PRKD1: variants seen among roughly 807,000 people sequenced by gnomAD.
The protein encoded by PRKD1 is protein kinase D1.
A neutral mutation model predicts 95.9 loss-of-function variants in PRKD1; 63 were observed. The ratio of observed to expected loss-of-function variants is 0.66; its 90% CI spans 0.54 to 0.81. The LOEUF (loss-of-function observed/expected upper bound fraction) is 0.81, where lower values mean the gene tolerates loss of function less well. Among genes scored for constraint, PRKD1 ranks in the 30% least tolerant of loss-of-function variants. The pLI is 0.00. For missense variants in PRKD1, 1,048 were observed against 1,165.3 expected (o/e 0.90, Z 1.47); for synonymous variants, 425 against 423.1 (o/e 1.00, Z -0.05).
intron 1 of PRKD1, among the ~76,000 whole-genome samples, chr14:29,778,130 G>C (rs938832005): frequency 1.3e-5 from 2 of 152,132 alleles, no homozygotes; most frequent in African/African-American, 4.8e-5. Context: ...GACTCTCTGG[G>C]ACACATTTAA....
At chr14:29,691,705 A>G (rs923135054) in intron 2 of PRKD1, among the ~76,000 whole-genome samples, 1 of 152,178 alleles carries the variant, frequency 6.6e-6, no homozygotes, top group Admixed American at 6.5e-5. Flanking sequence ...CAATAACAGC[A>G]TCTCCTACTA....
chr14:29,797,164 A>T (rs1889853515), intron 1 of PRKD1, among the ~76,000 whole-genome samples: 1 of 152,186 alleles, frequency 6.6e-6, no homozygotes, highest in Non-Finnish European at 1.5e-5. Flanking sequence ...ATCAAAAGCA[A>T]ACCTTTTCTA....
intron 2 of PRKD1, among the ~76,000 whole-genome samples, chr14:29,676,970 C>A (rs894639378): frequency 6.6e-6 from 1 of 152,214 alleles, no homozygotes; most frequent in African/African-American, 2.4e-5. Flanking sequence ...CGGCTACATT[C>A]AAGTTCTCAA....
intron 4 of PRKD1, among the ~76,000 whole-genome samples, chr14:29,644,093 A>G (rs1276806067): frequency 6.6e-6 from 1 of 152,222 alleles, no homozygotes; most frequent in East Asian, 1.9e-4. Context: ...TCAAGAAGTA[A>G]ATGCATAGGA....
At chr14:29,910,559 A>G (rs769842776) in intron 1 of PRKD1, among the ~76,000 whole-genome samples, 1 of 152,158 alleles carries the variant, frequency 6.6e-6, no homozygotes, top group Non-Finnish European at 1.5e-5. Context: ...GCCTTAAGAG[A>G]AAGAAAGATT....
Position 29,752,478 on chromosome 14 carries a change from G to C in PRKD1, c.265-26804C>G, listed in dbSNP as rs1887522830. Among the ~76,000 whole-genome samples the C allele has an allele frequency of 1.3e-5, 2 of 152,036 alleles. 1 individual carries two copies. Among genetic ancestry groups the C allele is most frequent in the South Asian group, 4.1e-4 (2 of 4,820 alleles). On this transcript the variant is annotated intron_variant, in intron 1 of 17. Coordinates refer to ENST00000331968, the MANE Select transcript of PRKD1 (RefSeq NM_002742.3). ...GCAGGGAAAGATAAAGTAATGGCTG[G>C]AGGTGAAGTCAGTAGGTGGATTTCC...
At chr14:29,813,483 ATGCT>A (rs1474734028) in intron 1 of PRKD1, among the ~76,000 whole-genome samples, 19 of 152,196 alleles carry the variant, frequency 1.2e-4, no homozygotes, top group Non-Finnish European at 1.5e-5. Flanking sequence ...TAAGAATTTT[ATGCT>A]GCTCTTTAGG....
chr14:29,738,410 C>T (rs949596991), intron 1 of PRKD1, among the ~76,000 whole-genome samples: 2 of 152,114 alleles, frequency 1.3e-5, no homozygotes, highest in African/African-American at 2.4e-5. Flanking sequence ...TTCTATCATA[C>T]AATAATTAAA....
In PRKD1 at chr14:29,626,566, C is replaced by G; in HGVS notation, c.1726-10G>C. ...ATACTGTGCTGATGTCCTAGAGGTA[C>G]AAGCCCAATGAAAAAAAAACATGAA... is the stretch of plus-strand genomic sequence containing the variant. On this transcript the variant is annotated splice_polypyrimidine_tract_variant and intron_variant, in intron 11 of 17. Coordinates refer to ENST00000331968, the MANE Select transcript of PRKD1 (RefSeq NM_002742.3). 1 of 1,559,404 alleles carries G rather than the reference C, an allele frequency of 6.4e-7. No individual in the cohort carries two copies. The highest frequency in any genetic ancestry group is 8.7e-7 in the Non-Finnish European group (1 of 1,151,512).
chr14:29,607,856 C>T (rs1225871895), intron 13 of PRKD1, among the ~76,000 whole-genome samples: 1 of 152,158 alleles, frequency 6.6e-6, no homozygotes, highest in Non-Finnish European at 1.5e-5. Context: ...AGGGTGCAGA[C>T]ATCTTTAACA....
intron 1 of PRKD1, among the ~76,000 whole-genome samples, chr14:29,885,339 T>C (rs1001538413): frequency 6.6e-6 from 1 of 152,082 alleles, no homozygotes; most frequent in African/African-American, 2.4e-5. Context: ...TGAGATGAGT[T>C]ACCAATGGGT....
chr14:29,912,225 T>C (rs889809636), intron 1 of PRKD1, among the ~76,000 whole-genome samples: 2 of 152,216 alleles, frequency 1.3e-5, no homozygotes, highest in Non-Finnish European at 2.9e-5. Flanking sequence ...TAAGGTAACA[T>C]TCAAAGGTTC....
In PRKD1 at chr14:29,586,946, CAT is replaced by C. The variant is rs556897203; in HGVS notation, c.2435-8588_2435-8587del. 5.6e-4 allele frequency among the ~76,000 whole-genome samples: 85 copies of C among 152,292 alleles called. 1 individual carries two copies. The highest frequency in any genetic ancestry group is 1.9e-3 in the African/African-American group (77 of 41,564). ...AGCCCACTTTACTCTTAATTAGACT[CAT>C]TGACCCTTAAGTCAGATCAGTCCTG... is the stretch of plus-strand genomic sequence containing the variant. On this transcript the variant is annotated intron_variant, in intron 16 of 17. Transcript: ENST00000331968.
At chr14:29,777,214 T>C (rs889422050) in intron 1 of PRKD1, among the ~76,000 whole-genome samples, 7 of 152,266 alleles carry the variant, frequency 4.6e-5, no homozygotes, top group Admixed American at 2.0e-4. Flanking sequence ...AGATCATCAA[T>C]GCTAGGAAGA....
At chr14:29,691,109 T>C (rs1033768061) in intron 2 of PRKD1, among the ~76,000 whole-genome samples, 3 of 152,232 alleles carry the variant, frequency 2.0e-5, no homozygotes, top group South Asian at 4.1e-4. Flanking sequence ...TGTTCAATTA[T>C]ATTAAGTTCC....
intron 1 of PRKD1, among the ~76,000 whole-genome samples, chr14:29,845,475 C>T (rs1169348364): frequency 6.6e-6 from 1 of 151,960 alleles, no homozygotes; most frequent in Non-Finnish European, 1.5e-5. Context: ...TATTGAAGTT[C>T]AACATTTGGA....
intron 13 of PRKD1, among the ~76,000 whole-genome samples, chr14:29,609,142 C>A (rs1056708510): frequency 3.3e-5 from 5 of 152,142 alleles, no homozygotes; most frequent in Non-Finnish European, 7.3e-5. Flanking sequence ...ACTGTTTGCT[C>A]ATACCATCCA....
chr14:29,861,074 T>C (rs1892694152), intron 1 of PRKD1, among the ~76,000 whole-genome samples: 2 of 152,194 alleles, frequency 1.3e-5, no homozygotes, highest in Admixed American at 1.3e-4. Flanking sequence ...TTTCAAAATA[T>C]ACTAAACAAG....
chr14:29,719,926 T>G (rs1192358645), intron 2 of PRKD1, among the ~76,000 whole-genome samples: 2 of 152,180 alleles, frequency 1.3e-5, no homozygotes, highest in Non-Finnish European at 2.9e-5. Flanking sequence ...CGTGAGAAAG[T>G]GAACTTGGGC....
Sources: allele counts gnomAD v4.1 joint callset (sites outside exome capture counted in the v4.1 genomes callset), GRCh38; gene constraint gnomAD v4.1.1; transcripts MANE v1.5; gene names NCBI Gene and HGNC (gene_info 2026-07-23, HGNC 2026-07-21).